NBPF12: variants seen among roughly 807,000 people sequenced by gnomAD.
NBPF12 encodes the protein NBPF family member NBPF12.
In NBPF12, 115 loss-of-function variants were observed where a neutral mutation model predicts 146.4. The ratio of observed to expected loss-of-function variants is 0.79; its 90% CI spans 0.68 to 0.92. The LOEUF is 0.92. Among genes scored for constraint, NBPF12 ranks in the 40% least tolerant of loss-of-function variants. The pLI is 0.00. For synonymous variants in NBPF12, 385 were observed against 508.9 expected (o/e 0.76, Z 3.28); for missense variants, 1,205 against 1,326.8 (o/e 0.91, Z 1.43).
chr1:146,978,586 T>A (rs1657196099), intron 18 of NBPF12, among the ~76,000 whole-genome samples: 1 of 152,010 alleles, frequency 6.6e-6, no homozygotes, highest in African/African-American at 2.4e-5. Context: ...GTGTTTCATG[T>A]ATAGATGCCT....
At chr1:146,974,763 T>A in exon 15 of NBPF12, 1 of 958,188 alleles carries the variant, frequency 1.0e-6, no homozygotes, top group Non-Finnish European at 1.4e-6. Flanking sequence ...AAAGACCTCC[T>A]AAAATCTATG....
At chr1:146,995,760 C>T (rs1245194554) in exon 34 of NBPF12, 1 of 150,304 alleles carries the variant, frequency 6.7e-6, no homozygotes, top group Non-Finnish European at 1.5e-5. Context: ...GATATCAGGA[C>T]TGGTTACTTG....
In NBPF12 at chr1:146,963,620, T is replaced by C. The variant is rs1188959639; in HGVS notation, c.493+311T>C. 2.4e-4 allele frequency among the ~76,000 whole-genome samples: 37 copies of C among 152,044 alleles called. 1 individual carries two copies. In the South Asian group the frequency reaches 7.3e-3, roughly 30 times the overall value. On this transcript the variant is annotated intron_variant, in intron 6 of 33. Coordinates refer to ENST00000617844, the Ensembl canonical transcript of NBPF12. Reference sequence around the variant, plus strand: ...GCGCTTGTTGGAGTGAAAAGAGCTCTGGGCTAAGAATGAAGGTTCCCAGGC... The same window carrying C: ...GCGCTTGTTGGAGTGAAAAGAGCTCCGGGCTAAGAATGAAGGTTCCCAGGC...
At chr1:146,971,193 A>G in exon 13 of NBPF12, 2 of 1,611,472 alleles carry the variant, frequency 1.2e-6, no homozygotes, top group South Asian at 2.2e-5. Flanking sequence ...GGAGATGCAG[A>G]AGGCTGAAGA....
At chr1:146,961,704 T>A (rs1655861070) in intron 4 of NBPF12, among the ~76,000 whole-genome samples, 1 of 151,934 alleles carries the variant, frequency 6.6e-6, no homozygotes, top group South Asian at 2.1e-4. Context: ...AATGAAATAT[T>A]TTTAAAGTCC....
intron 23 of NBPF12, among the ~76,000 whole-genome samples, chr1:146,986,102 G>A (rs1657740386): frequency 2.0e-5 from 3 of 151,864 alleles, no homozygotes; most frequent in Non-Finnish European, 4.4e-5. Context: ...CCCTTCATCA[G>A]TGTGTCACCC....
chr1:146,969,983 T>C (rs1162012126), intron 11 of NBPF12, among the ~76,000 whole-genome samples: 3 of 150,416 alleles, frequency 2.0e-5, no homozygotes, highest in African/African-American at 7.4e-5. Flanking sequence ...TGATTTATCT[T>C]TCCAGAGTTT....
chr1:146,993,942 C>T (rs1252409879), intron 33 of NBPF12, among the ~76,000 whole-genome samples: 1 of 28,486 alleles, frequency 3.5e-5, no homozygotes, highest in Non-Finnish European at 6.4e-5. Flanking sequence ...CTCATGGCCA[C>T]TGCATCGAAT....
chr1:146,946,512 C>CTTTTTTTTTTTTTTTTTTTTTT (rs3071268), upstream of NBPF12, among the ~76,000 whole-genome samples: 1 of 41,042 alleles, frequency 2.4e-5, no homozygotes, highest in Non-Finnish European at 4.2e-5. Flanking sequence ...GATCTTTCAC[C>CTTTTTTTTTTTTTTTTTTTTTT]TTTTTTTTTT....
chr1:146,965,011 A>G, exon 8 of NBPF12: 1 of 1,608,504 alleles, frequency 6.2e-7, no homozygotes, highest in Non-Finnish European at 8.5e-7. Context: ...GAACATCAAA[A>G]TCACATTTGA....
At chr1:146,970,774 G>C in intron 12 of NBPF12, 55 bp downstream of exon 15, 1 of 1,262,100 alleles carries the variant, frequency 7.9e-7, no homozygotes, top group Non-Finnish European at 1.2e-6. Flanking sequence ...AAAATGTCTA[G>C]GAGGCATGCC....
intron 19 of NBPF12, among the ~76,000 whole-genome samples, chr1:146,981,647 G>A (rs1429547749): frequency 6.6e-6 from 1 of 151,810 alleles, no homozygotes; most frequent in African/African-American, 2.4e-5. Flanking sequence ...CCTGAAGAAT[G>A]TTTCCCAGCT....
chr1:146,968,939 C>T (rs1656384279), intron 10 of NBPF12, among the ~76,000 whole-genome samples: 2 of 151,310 alleles, frequency 1.3e-5, no homozygotes, highest in Admixed American at 6.6e-5. Context: ...CTCAATGTTG[C>T]CTTCTCGACC....
At chr1:146,949,068 C>T (rs1323567223), upstream of NBPF12, among the ~76,000 whole-genome samples, 2 of 152,166 alleles carry the variant, frequency 1.3e-5, no homozygotes, top group East Asian at 3.9e-4. Context: ...ATTGTCCTGC[C>T]ACATCCCCCT....
rs1456181200 is a variant in NBPF12 at position 146,992,480 on chromosome 1, G to T, written c.3849-232G>T. Among the ~76,000 whole-genome samples, 947 of 123,130 alleles carry T rather than the reference G, an allele frequency of 7.7e-3. 1 individual carries two copies. Among genetic ancestry groups the T allele is most frequent in the East Asian group, 0.015 (58 of 3,930 alleles). 80.8% of individuals were successfully genotyped at this position (123,130 alleles called of 152,430 possible). ...TCTCTCTCTGTGTGTGTGTGTGTGT[G>T]TGTGTGTGTGTGTGTGTGTGTGTGT... On this transcript the variant is annotated intron_variant, in intron 31 of 33. Coordinates refer to ENST00000617844, the Ensembl canonical transcript of NBPF12.
intron 13 of NBPF12, among the ~76,000 whole-genome samples, chr1:146,972,004 C>T (rs1262961976): frequency 6.7e-6 from 1 of 148,764 alleles, no homozygotes; most frequent in Non-Finnish European, 1.5e-5. Flanking sequence ...AGGAGAATGG[C>T]ATGAACCCAG....
At chr1:146,956,021 C>T (rs1655570792) in intron 2 of NBPF12, among the ~76,000 whole-genome samples, 1 of 151,478 alleles carries the variant, frequency 6.6e-6, no homozygotes, top group South Asian at 2.1e-4. Context: ...TTGAACCACT[C>T]AGTCGCTACT....
chr1:146,996,162 G>T, downstream of NBPF12: 1 of 126,308 alleles, frequency 7.9e-6, no homozygotes, highest in South Asian at 2.5e-4. Flanking sequence ...GGTTTTGGTG[G>T]GTACTGATGT....
At chr1:146,964,374 G>T (rs1656056854) in exon 7 of NBPF12, 1 of 1,603,018 alleles carries the variant, frequency 6.2e-7, no homozygotes. Flanking sequence ...TGAAGATGAG[G>T]ATGAAGATGT....
Sources: gnomAD v4.1 joint callset for allele counts (sites outside exome capture counted in the v4.1 genomes callset) on GRCh38, gnomAD v4.1.1 for gene constraint, MANE v1.5 for transcripts, NCBI Gene and HGNC (gene_info 2026-07-23, HGNC 2026-07-21) for gene names.